The following CST7 variants were observed in gnomAD, a reference collection of about 807,000 sequenced individuals.
CST7 encodes cystatin-F.
A neutral mutation model predicts 13.1 loss-of-function variants in CST7; 15 were observed. That is an observed-to-expected ratio of 1.14 (90% confidence interval 0.77 to 1.76). The LOEUF (loss-of-function observed/expected upper bound fraction) is 1.76. CST7 is among the 40% of genes most tolerant of loss of function. The pLI is 0.00. For synonymous variants in CST7, 75 were observed against 66.9 expected (o/e 1.12, Z -0.59); for missense variants, 193 against 178.8 (o/e 1.08, Z -0.45).
chr20:24,952,130 C>A (rs1344814120), intron 1 of CST7, among the ~76,000 whole-genome samples: 1 of 152,234 alleles, frequency 6.6e-6, no homozygotes, highest in African/African-American at 2.4e-5. Flanking sequence ...GCCCTGAGAC[C>A]CCTGCTGTGG....
chr20:24,953,613 CCCCT>C (rs1342014443), intron 1 of CST7, among the ~76,000 whole-genome samples: 3 of 152,138 alleles, frequency 2.0e-5, no homozygotes, highest in African/African-American at 7.2e-5. Flanking sequence ...GCCCTGCCCG[CCCCT>C]GCCTCACCTC....
chr20:24,957,395 T>TC lies in CST7; in HGVS notation c.180dup (p.Asn61GlnfsTer49), dbSNP rs1327559187. ...GCAGCCAGATACAGTGTTGAAAAGT[T>TC]CAACAACTGCACGAACGACATGTTC... On this transcript the variant is annotated frameshift_variant, in exon 2 of 4. Coordinates refer to ENST00000480798, the MANE Select transcript of CST7 (RefSeq NM_003650.4). LOFTEE classifies it high-confidence loss of function. 1 of 1,613,620 alleles carries TC rather than the reference T, an allele frequency of 6.2e-7. No individual in the cohort carries two copies. The highest frequency in any genetic ancestry group is 1.3e-5 in the African/African-American group (1 of 74,812).
chr20:24,957,574 A>G (rs2087867348), intron 2 of CST7, 115 bp downstream of exon 2: 2 of 1,028,628 alleles, frequency 1.9e-6, no homozygotes, highest in Non-Finnish European at 2.9e-6. Context: ...CTGAGTGCAG[A>G]GCTCTGAGCA....
At position 24,959,701 on chromosome 20, in the gene CST7, C is replaced by T. The variant is rs1224078020; in HGVS notation, c.427C>T (p.Arg143Cys). Residue 143 changes from arginine (R) to cysteine (C), a missense_variant, in exon 4 of 4, where the codon CGT (arginine) becomes TGT (cysteine). Arg to Cys is a radical substitution (Grantham distance 180). Coordinates refer to ENST00000480798, the MANE Select transcript of CST7 (RefSeq NM_003650.4). Reference protein sequence around the residue: ...WLQHFEVPVLRCH With the variant: ...WLQHFEVPVLCCH ...CCAGCACTTCGAGGTGCCTGTTCTCCGTTGTCACTGACCCCCGCCTCTTCA... is the reference window on the plus strand; with the variant it reads ...CCAGCACTTCGAGGTGCCTGTTCTCTGTTGTCACTGACCCCCGCCTCTTCA... 2 of 1,614,040 alleles carry T rather than the reference C, an allele frequency of 1.2e-6. No individual in the cohort carries two copies. Among genetic ancestry groups the T allele is most frequent in the Non-Finnish European group, 1.7e-6 (2 of 1,180,006 alleles).
At chr20:24,953,793 G>A (rs993337442) in intron 1 of CST7, among the ~76,000 whole-genome samples, 4 of 152,194 alleles carry the variant, frequency 2.6e-5, no homozygotes, top group African/African-American at 9.6e-5. Flanking sequence ...GGCCTGGCCT[G>A]CCCCAGGCAT....
chr20:24,957,345 G>A lies in CST7; in HGVS notation c.129G>A (p.Lys43=), dbSNP rs754914095. 28 of 1,613,672 alleles carry A rather than the reference G, an allele frequency of 1.7e-5. No homozygotes were observed. The South Asian group carries it at 3.0e-4, about 17-fold the overall frequency. Residue 43 remains lysine (K), a synonymous_variant, in exon 2 of 4, where the codon AAG becomes AAA. Coordinates refer to ENST00000480798, the MANE Select transcript of CST7 (RefSeq NM_003650.4). ...RVKPGFPKTI[K]TNDPGVLQAA... is the part of the protein sequence containing the mutation. ...AGCCAGGATTTCCTAAAACAATAAA[G>A]ACCAATGACCCAGGAGTCCTCCAAG...
At chr20:24,951,652 G>A (rs1376945458) in intron 1 of CST7, among the ~76,000 whole-genome samples, 1 of 152,116 alleles carries the variant, frequency 6.6e-6, no homozygotes, top group African/African-American at 2.4e-5. Flanking sequence ...TAGGGGGCGG[G>A]GAAGCAACAG....
At chr20:24,950,564 G>A (rs947888470) in intron 1 of CST7, among the ~76,000 whole-genome samples, 1 of 152,200 alleles carries the variant, frequency 6.6e-6, no homozygotes, top group Non-Finnish European at 1.5e-5. Flanking sequence ...CAGGCTGGAG[G>A]AGGGGCCGGG....
At position 24,949,501 on chromosome 20, in the gene CST7, C is replaced by G. The variant is rs147172253; in HGVS notation, c.-5C>G. ...CTGCCCCGCACTGTCCCTACCCGGGCAGCCATGCGAGCGGCTGGAACTCTG... is the reference window on the plus strand; with the variant it reads ...CTGCCCCGCACTGTCCCTACCCGGGGAGCCATGCGAGCGGCTGGAACTCTG... On this transcript the variant is annotated 5_prime_UTR_variant, in exon 1 of 4. Coordinates refer to ENST00000480798, the MANE Select transcript of CST7 (RefSeq NM_003650.4). 3.1e-6 allele frequency: 5 copies of G among 1,614,054 alleles called. No individual in the cohort carries two copies. The highest frequency in any genetic ancestry group is 4.2e-6 in the Non-Finnish European group (5 of 1,180,046).
At chr20:24,958,296 T>A (rs2087872363) in intron 2 of CST7, among the ~76,000 whole-genome samples, 1 of 152,182 alleles carries the variant, frequency 6.6e-6, no homozygotes. Context: ...ATGCAGGCCC[T>A]CCCTCCTTCT....
Position 24,949,400 on chromosome 20 carries a change from A to C in CST7, c.-106A>C, listed in dbSNP as rs759174167. On this transcript the variant is annotated 5_prime_UTR_variant, in exon 1 of 4. Transcript: ENST00000480798. ...CCTGCCCTGCGCCATCTACCCAAGAAGGCTCGGCACGGGCACCAACCACTG... is the reference window on the plus strand; with the variant it reads ...CCTGCCCTGCGCCATCTACCCAAGACGGCTCGGCACGGGCACCAACCACTG... 1.3e-5 allele frequency: 21 copies of C among 1,602,584 alleles called. No individual in the cohort carries two copies. Among genetic ancestry groups the C allele is most frequent in the Middle Eastern group, 1.7e-4 (1 of 5,768 alleles).
chr20:24,957,039 GA>G (rs1356690061), intron 1 of CST7, among the ~76,000 whole-genome samples: 4 of 1,116 alleles, frequency 3.6e-3, no homozygotes, highest in Non-Finnish European at 5.7e-3. Flanking sequence ...GAGCAGGTGA[GA>G]GGGGGCAGGT....
rs765379965 is a variant in CST7, at chr20:24,949,497, C to T, written c.-9C>T. The T allele has an allele frequency of 6.8e-6, 11 of 1,614,120 alleles. No individual in the cohort carries two copies. Among genetic ancestry groups the T allele is most frequent in the East Asian group, 6.7e-5 (3 of 44,880 alleles). On this transcript the variant is annotated 5_prime_UTR_variant, in exon 1 of 4. Transcript: ENST00000480798. ...CCAACTGCCCCGCACTGTCCCTACCCGGGCAGCCATGCGAGCGGCTGGAAC... is the reference window on the plus strand; with the variant it reads ...CCAACTGCCCCGCACTGTCCCTACCTGGGCAGCCATGCGAGCGGCTGGAAC...
At chr20:24,950,414 C>A (rs560632309) in intron 1 of CST7, among the ~76,000 whole-genome samples, 10 of 152,226 alleles carry the variant, frequency 6.6e-5, no homozygotes, top group African/African-American at 2.4e-4. Context: ...CTCCAGAGCA[C>A]CCAAGGGGTT....
chr20:24,953,934 C>T (rs1294649465), intron 1 of CST7, among the ~76,000 whole-genome samples: 1 of 152,194 alleles, frequency 6.6e-6, no homozygotes, highest in Non-Finnish European at 1.5e-5. Flanking sequence ...CAGCCTCCAG[C>T]GGGGTCTCCC....
chr20:24,954,626 A>C (rs1031197518), intron 1 of CST7, among the ~76,000 whole-genome samples: 2 of 152,256 alleles, frequency 1.3e-5, no homozygotes, highest in Non-Finnish European at 2.9e-5. Context: ...ACTGTAAGAC[A>C]GTGAAAGGTT....
At chr20:24,959,556 A>C in intron 3 of CST7, 79 bp from the exon 4 acceptor site, 2 of 1,351,946 alleles carry the variant, frequency 1.5e-6, no homozygotes, top group Non-Finnish European at 2.1e-6. Context: ...GAGCTCCTCC[A>C]TGAGGACCAC....
intron 1 of CST7, among the ~76,000 whole-genome samples, chr20:24,956,985 CG>C (rs1171080042): frequency 8.3e-4 from 3 of 3,626 alleles, no homozygotes; most frequent in East Asian, 5.2e-3. Flanking sequence ...GCAGGGGTGT[CG>C]GGGGGGACAG....
chr20:24,958,703 A>G (rs1600274860), intron 2 of CST7, among the ~76,000 whole-genome samples: 1 of 152,190 alleles, frequency 6.6e-6, no homozygotes, highest in Non-Finnish European at 1.5e-5. Context: ...GCCAGAAAGG[A>G]GACATCTGTC....
Sources: gnomAD v4.1 joint callset for allele counts (sites outside exome capture counted in the v4.1 genomes callset) on GRCh38, gnomAD v4.1.1 for gene constraint, MANE v1.5 for transcripts, NCBI Gene and HGNC (gene_info 2026-07-23, HGNC 2026-07-21) for gene names.